The following DGLUCY variants were observed in gnomAD, a reference collection of about 807,000 sequenced individuals.
DGLUCY encodes D-glutamate cyclase.
A neutral mutation model predicts 58.5 loss-of-function variants in DGLUCY; 58 were observed. That is an observed-to-expected ratio of 0.99 (90% CI 0.80 to 1.23). DGLUCY has a LOEUF of 1.23. Among genes scored for constraint, DGLUCY ranks in the 50% most tolerant of loss-of-function variants. The pLI is 0.00. For missense variants in DGLUCY, 779 were observed against 784.7 expected (o/e 0.99, Z 0.09); for synonymous variants, 325 against 314.1 (o/e 1.03, Z -0.37).
chr14:91,163,319 G>A (rs1379458792), intron 3 of DGLUCY, among the ~76,000 whole-genome samples: 2 of 152,172 alleles, frequency 1.3e-5, no homozygotes, highest in Admixed American at 6.5e-5. Flanking sequence ...AGTAAGAAGC[G>A]GGTGAGTAGG....
In DGLUCY at chr14:91,131,385, C is replaced by CTTTTTTTTTT. The variant is rs57926089; in HGVS notation, c.-82+17103_-82+17112dup. 1.8e-3 allele frequency among the ~76,000 whole-genome samples: 277 copies of CTTTTTTTTTT among 151,210 alleles called. 2 individuals carry two copies. The highest frequency in any genetic ancestry group is 5.0e-3 in the African/African-American group (205 of 41,188). ...AACCTTTCCCAACTTGAGATATTCT[C>CTTTTTTTTTT]TTTTTTTTTTGTCTTTTTATGGGCA... On this transcript the variant is annotated intron_variant, in intron 1 of 13. Transcript: ENST00000256324.
At chr14:91,212,523 A>G (rs1009425394) in intron 12 of DGLUCY, among the ~76,000 whole-genome samples, 1 of 151,686 alleles carries the variant, frequency 6.6e-6, no homozygotes, top group African/African-American at 2.4e-5. Context: ...CAAAGAAGAT[A>G]CTCTGTTCAT....
intron 1 of DGLUCY, among the ~76,000 whole-genome samples, chr14:91,126,879 G>C (rs901802380): frequency 6.6e-6 from 1 of 152,054 alleles, no homozygotes; most frequent in Admixed American, 6.6e-5. Context: ...TCCACCCCCT[G>C]TAGGGCAGAA....
intron 1 of DGLUCY, among the ~76,000 whole-genome samples, chr14:91,117,641 T>TCA (rs2045056042): frequency 6.6e-6 from 1 of 151,208 alleles, no homozygotes; most frequent in East Asian, 1.9e-4. Context: ...AAGCTTTTGT[T>TCA]CACATACACA....
rs1413354820 is a variant in DGLUCY at position 91,196,402 on chromosome 14, T to C, written c.1223T>C (p.Leu408Ser). The C allele has an allele frequency of 3.7e-6, 6 of 1,614,030 alleles. No homozygotes were observed. The African/African-American group carries it at 6.7e-5, about 18-fold the overall frequency. The change falls in exon 10 of 14, where the codon TTA becomes TCA. Residue 408 changes from leucine (L) to serine (S), a missense_variant. By Grantham distance (145) the Leu-to-Ser change is moderately radical. Coordinates refer to ENST00000256324, the MANE Select transcript of DGLUCY (RefSeq NM_001102368.3). Reference sequence around the variant, plus strand: ...GTTCTGAAGACGCAGATCCCGATATTAACTTACCAAGGTGGATCAGTGGAA... The same window carrying C: ...GTTCTGAAGACGCAGATCCCGATATCAACTTACCAAGGTGGATCAGTGGAA... ...QGVLKTQIPILTYQGGSVEAA... is the reference protein window; with the variant it reads ...QGVLKTQIPISTYQGGSVEAA...
chr14:91,181,221 A>ACAGTTATGACTGAC lies in DGLUCY; in HGVS notation c.768_781dup (p.Leu261GlnfsTer3). 2.5e-6 allele frequency: 4 copies of ACAGTTATGACTGAC among 1,614,182 alleles called. No homozygotes were observed. Among genetic ancestry groups the ACAGTTATGACTGAC allele is most frequent in the Non-Finnish European group, 3.4e-6 (4 of 1,180,032 alleles). ...GGCTTTTGCCAGCATCCCAGGCTGCACAGTTATGACTGACCTGAAGGATGC... is the reference window on the plus strand; with the variant it reads ...GGCTTTTGCCAGCATCCCAGGCTGCACAGTTATGACTGACCAGTTATGACTGACCTGAAGGATGC... On this transcript the variant is annotated frameshift_variant, in exon 8 of 14. Transcript: ENST00000256324. LOFTEE classifies it high-confidence loss of function.
chr14:91,089,967 C>T (rs2044283213), intron 1 of DGLUCY, among the ~76,000 whole-genome samples: 1 of 152,142 alleles, frequency 6.6e-6, no homozygotes, highest in Admixed American at 6.5e-5. Flanking sequence ...TCATACAAGC[C>T]AAAACCTCTA....
At chr14:91,131,957 C>G (rs2046047742) in intron 1 of DGLUCY, among the ~76,000 whole-genome samples, 1 of 152,112 alleles carries the variant, frequency 6.6e-6, no homozygotes. Flanking sequence ...CCACACCCAG[C>G]TAATTTTGTA....
intron 1 of DGLUCY, among the ~76,000 whole-genome samples, chr14:91,069,793 A>G (rs995501339): frequency 7.5e-6 from 1 of 133,726 alleles, no homozygotes; most frequent in African/African-American, 2.8e-5. Flanking sequence ...TGATAATGAT[A>G]TGCCTCTTTT....
At chr14:91,105,633 C>T (rs2044575753), upstream of DGLUCY, among the ~76,000 whole-genome samples, 1 of 152,160 alleles carries the variant, frequency 6.6e-6, no homozygotes, top group Admixed American at 6.5e-5. Flanking sequence ...CAGTAGTTGC[C>T]AAATAGCATG....
intron 1 of DGLUCY, among the ~76,000 whole-genome samples, chr14:91,153,603 C>A (rs1411750078): frequency 6.6e-6 from 1 of 152,150 alleles, no homozygotes; most frequent in Admixed American, 6.5e-5. Flanking sequence ...AAGAGGAAAA[C>A]CCCCTCCCTT....
At chr14:91,098,237 A>G (rs2044429034) in intron 1 of DGLUCY, among the ~76,000 whole-genome samples, 1 of 152,092 alleles carries the variant, frequency 6.6e-6, no homozygotes. Flanking sequence ...CAGGAGGATC[A>G]CTTGAGCCCA....
Position 91,142,640 on chromosome 14 carries a change from G to C in DGLUCY, c.-81-14999G>C, listed in dbSNP as rs1165330198. Among the ~76,000 whole-genome samples, 4 of 152,010 alleles carry C rather than the reference G, an allele frequency of 2.6e-5. No individual in the cohort carries two copies. The East Asian group carries it at 7.7e-4, about 29-fold the overall frequency. On this transcript the variant is annotated intron_variant, in intron 1 of 13. Transcript: ENST00000256324. ...TGCTGACAAACCCCTGAGCAAACAT[G>C]TACTGGTTATTTGGTAACACTCAAA...
At chr14:91,143,616 C>T (rs1041104952) in intron 1 of DGLUCY, among the ~76,000 whole-genome samples, 1 of 152,174 alleles carries the variant, frequency 6.6e-6, no homozygotes, top group African/African-American at 2.4e-5. Context: ...CACCTGGTGG[C>T]CAATGTTTTC....
At chr14:91,142,164 G>A (rs2046735256) in intron 1 of DGLUCY, among the ~76,000 whole-genome samples, 1 of 152,150 alleles carries the variant, frequency 6.6e-6, no homozygotes, top group Non-Finnish European at 1.5e-5. Flanking sequence ...TAATTAACCT[G>A]CTCAAGGATC....
chr14:91,164,594 A>G (rs145965716), intron 3 of DGLUCY, among the ~76,000 whole-genome samples: 34 of 152,270 alleles, frequency 2.2e-4, no homozygotes, highest in African/African-American at 8.2e-4. Context: ...TAGTACAGGT[A>G]TGGGTTTGAT....
intron 6 of DGLUCY, among the ~76,000 whole-genome samples, chr14:91,173,947 T>C (rs2048718905): frequency 1.3e-5 from 2 of 152,122 alleles, no homozygotes; most frequent in Non-Finnish European, 2.9e-5. Context: ...TCCAAAATGC[T>C]GTATTTTGTC....
chr14:91,179,615 G>C (rs2049045017), intron 7 of DGLUCY, among the ~76,000 whole-genome samples: 1 of 151,778 alleles, frequency 6.6e-6, no homozygotes, highest in Non-Finnish European at 1.5e-5. Flanking sequence ...GCCGGGTGTA[G>C]TGGTGCACGC....
chr14:91,214,771 G>A (rs902701369), intron 12 of DGLUCY, among the ~76,000 whole-genome samples: 1 of 152,098 alleles, frequency 6.6e-6, no homozygotes, highest in Non-Finnish European at 1.5e-5. Flanking sequence ...GATCACTTGA[G>A]CCCAGGAGTT....
Sources: allele counts gnomAD v4.1 joint callset (sites outside exome capture counted in the v4.1 genomes callset), GRCh38; gene constraint gnomAD v4.1.1; transcripts MANE v1.5; gene names NCBI Gene and HGNC (gene_info 2026-07-23, HGNC 2026-07-21).